Variants in PCDHGB4 observed in about 807,000 individuals in gnomAD.
PCDHGB4 encodes the protein protocadherin gamma-B4.
PCDHGB4 carries 38 observed loss-of-function variants against 60.5 expected under a neutral mutation model. The ratio of observed to expected loss-of-function variants is 0.63; its 90% CI spans 0.48 to 0.82. The LOEUF is 0.82. Among genes scored for constraint, PCDHGB4 ranks in the 40% least tolerant of loss-of-function variants. PCDHGB4 has a pLI of 0.00. For synonymous variants in PCDHGB4, 456 were observed against 509.7 expected (o/e 0.89, Z 1.42); for missense variants, 1,109 against 1,209.6 (o/e 0.92, Z 1.23).
In PCDHGB4 at chr5:141,432,498, G is replaced by A. The variant is rs766191511; in HGVS notation, c.2397+42217G>A. Reference sequence around the variant, plus strand: ...TCCACTGGCGTGGAGCTGGCTCCCCGCTCCGCAGAGCCCGGCTACCTGGTG... The same window carrying A: ...TCCACTGGCGTGGAGCTGGCTCCCCACTCCGCAGAGCCCGGCTACCTGGTG... On this transcript the variant is annotated intron_variant, in intron 1 of 3. Coordinates refer to ENST00000519479, the MANE Select transcript of PCDHGB4 (RefSeq NM_003736.4). This position sits in a 1 kb window ranked among gnomAD's most constrained non-coding sequence, Gnocchi z 6.0. The A allele has an allele frequency of 1.9e-6, 3 of 1,614,106 alleles. No homozygotes were observed. The highest frequency in any genetic ancestry group is 2.5e-6 in the Non-Finnish European group (3 of 1,180,052).
chr5:141,459,609 T>C (rs939880462), intron 1 of PCDHGB4, among the ~76,000 whole-genome samples: 1 of 152,230 alleles, frequency 6.6e-6, no homozygotes, highest in African/African-American at 2.4e-5. Context: ...AAGTATATGC[T>C]TAACTTTATA....
intron 1 of PCDHGB4, among the ~76,000 whole-genome samples, chr5:141,400,862 A>C (rs1239905125): frequency 6.6e-6 from 1 of 152,224 alleles, no homozygotes; most frequent in African/African-American, 2.4e-5. Context: ...TTGTATGTAG[A>C]TAAACCATTA....
At position 141,432,851 on chromosome 5, in the gene PCDHGB4, G is replaced by T. The variant is rs561153330; in HGVS notation, c.2397+42570G>T. 8 of 1,614,198 alleles carry T rather than the reference G, an allele frequency of 5.0e-6. No homozygotes were observed. In the African/African-American group the frequency reaches 9.3e-5, roughly 19 times the overall value. ...CACTCTGTACCTGGTGGTAGCGGTG[G>T]CCGCGGTCTCCTGCGTCTTCCTGGC... On this transcript the variant is annotated intron_variant, in intron 1 of 3. Transcript: ENST00000519479. This position sits in a 1 kb window ranked among gnomAD's most constrained non-coding sequence, Gnocchi z 6.0.
intron 1 of PCDHGB4, among the ~76,000 whole-genome samples, chr5:141,466,800 C>T (rs189985735): frequency 6.6e-6 from 1 of 152,240 alleles, no homozygotes; most frequent in East Asian, 1.9e-4. Context: ...AAACTAGATC[C>T]TATTCAGACA....
chr5:141,454,898 C>T (rs1426884791), intron 1 of PCDHGB4, among the ~76,000 whole-genome samples: 1 of 147,834 alleles, frequency 6.8e-6, no homozygotes, highest in Non-Finnish European at 1.5e-5. Flanking sequence ...AGCACCGCCT[C>T]CCGGGTTCAC....
chr5:141,491,168 A>G lies in PCDHGB4; in HGVS notation c.2398-3639A>G. On this transcript the variant is annotated intron_variant, in intron 1 of 3. Coordinates refer to ENST00000519479, the MANE Select transcript of PCDHGB4 (RefSeq NM_003736.4). The surrounding 1 kb of genome is among the most constrained non-coding windows in gnomAD (Gnocchi z 6.9). Reference sequence around the variant, plus strand: ...CTGGAGGATGACTCTGACACCCAGCAGGTGGTGGTCCTGGTGAGGGACAAT... The same window carrying G: ...CTGGAGGATGACTCTGACACCCAGCGGGTGGTGGTCCTGGTGAGGGACAAT... 2 of 1,614,160 alleles carry G rather than the reference A, an allele frequency of 1.2e-6. No homozygotes were observed.
chr5:141,393,087 C>T (rs1244090890), intron 1 of PCDHGB4: 1 of 1,613,628 alleles, frequency 6.2e-7, no homozygotes, highest in African/African-American at 1.3e-5. Flanking sequence ...CAGGATAGAT[C>T]GGGAGGAGCT....
At position 141,476,321 on chromosome 5, in the gene PCDHGB4, G is replaced by A; in HGVS notation, c.2398-18486G>A. 1 of 1,614,196 alleles carries A rather than the reference G, an allele frequency of 6.2e-7. No homozygotes were observed. The highest frequency in any genetic ancestry group is 1.3e-5 in the African/African-American group (1 of 75,054). ...CCTCTCAGCCCGCAGGTTCCGGGTG[G>A]TGTCTGGAGCTAGCCGAAGATTCTT... On this transcript the variant is annotated intron_variant, in intron 1 of 3. Coordinates refer to ENST00000519479, the MANE Select transcript of PCDHGB4 (RefSeq NM_003736.4). The surrounding 1 kb of genome is among the most constrained non-coding windows in gnomAD (Gnocchi z 7.6).
At chr5:141,414,947 T>C (rs1422289231) in intron 1 of PCDHGB4, 1 of 1,614,052 alleles carries the variant, frequency 6.2e-7, no homozygotes, top group Non-Finnish European at 8.5e-7. Context: ...CCCGGCTACC[T>C]GGTGACCAAG....
chr5:141,441,136 GA>G (rs1379465827), intron 1 of PCDHGB4: 2 of 152,304 alleles, frequency 1.3e-5, no homozygotes, highest in Middle Eastern at 3.4e-3. Flanking sequence ...CGAATTTCTA[GA>G]AGATAATGAC....
In PCDHGB4 at chr5:141,478,182, A is replaced by T. The variant is rs777228133; in HGVS notation, c.2398-16625A>T. The T allele has an allele frequency of 5.0e-6, 8 of 1,613,866 alleles. No individual in the cohort carries two copies. In the South Asian group the frequency reaches 8.8e-5, roughly 18 times the overall value. ...TCTGCCCCCCGGGAGCAGAAAAAAA[A>T]TCTCACCTTTTATCTACTTCTTTCT... is the stretch of plus-strand genomic sequence containing the variant. On this transcript the variant is annotated intron_variant, in intron 1 of 3. Transcript: ENST00000519479.
chr5:141,474,772 G>A (rs1053853138), intron 1 of PCDHGB4, among the ~76,000 whole-genome samples: 2 of 152,182 alleles, frequency 1.3e-5, no homozygotes, highest in Non-Finnish European at 2.9e-5. Flanking sequence ...AATAGTATGA[G>A]GCTCTAACAC....
At position 141,388,663 on chromosome 5, in the gene PCDHGB4, C is replaced by G; in HGVS notation, c.779C>G (p.Thr260Arg). The G allele has an allele frequency of 1.9e-6, 3 of 1,613,928 alleles. No individual in the cohort carries two copies. The highest frequency in any genetic ancestry group is 2.2e-5 in the East Asian group (1 of 44,888). ...SLSENVYPGT[T>R]VLQVTATDQD... Reference sequence around the variant, plus strand: ...TCAGAAAACGTGTACCCGGGGACCACGGTGCTACAGGTGACTGCCACGGAC... The same window carrying G: ...TCAGAAAACGTGTACCCGGGGACCAGGGTGCTACAGGTGACTGCCACGGAC... Residue 260 changes from threonine to arginine, a missense_variant, in exon 1 of 4, where the codon ACG becomes AGG. Thr to Arg is a moderately conservative substitution (Grantham distance 71). Coordinates refer to ENST00000519479, the MANE Select transcript of PCDHGB4 (RefSeq NM_003736.4).
chr5:141,483,872 T>A (rs1373802168), intron 1 of PCDHGB4, among the ~76,000 whole-genome samples: 1 of 152,080 alleles, frequency 6.6e-6, no homozygotes, highest in African/African-American at 2.4e-5. Context: ...CAGATCAGGA[T>A]GGATTTTTCT....
chr5:141,400,699 A>G (rs1040547233), intron 1 of PCDHGB4: 1 of 733,556 alleles, frequency 1.4e-6, no homozygotes, highest in Non-Finnish European at 2.2e-6. Flanking sequence ...TATGTCGCAT[A>G]AAAGAAGTAG....
chr5:141,410,101 C>T, intron 1 of PCDHGB4: 1 of 1,612,490 alleles, frequency 6.2e-7, no homozygotes, highest in African/African-American at 1.3e-5. Flanking sequence ...GAGCCTTAGG[C>T]GACAGGGACG....
At chr5:141,421,894 C>T (rs764642401) in intron 1 of PCDHGB4, 6 of 1,613,586 alleles carry the variant, frequency 3.7e-6, no homozygotes, top group Non-Finnish European at 4.2e-6. Flanking sequence ...CGATCCCATC[C>T]GAAAGGGCGC....
At chr5:141,403,270 T>C (rs1284833810) in intron 1 of PCDHGB4, 2 of 1,613,770 alleles carry the variant, frequency 1.2e-6, no homozygotes, top group African/African-American at 1.3e-5. Flanking sequence ...TGGTGAACTT[T>C]AAAGTCCTGG....
chr5:141,394,292 G>A (rs1173905383), intron 1 of PCDHGB4: 18 of 1,613,852 alleles, frequency 1.1e-5, no homozygotes, highest in Non-Finnish European at 1.4e-5. Flanking sequence ...CTGTGACCGA[G>A]GACACGCTGC....
Sources: allele counts gnomAD v4.1 joint callset (sites outside exome capture counted in the v4.1 genomes callset), GRCh38; gene constraint gnomAD v4.1.1; non-coding constraint Gnocchi (gnomAD v3.1); transcripts MANE v1.5; gene names NCBI Gene and HGNC (gene_info 2026-07-23, HGNC 2026-07-21).